Variants in ZNF679 observed in about 807,000 individuals in gnomAD.
ZNF679 encodes zinc finger protein 679.
A neutral mutation model predicts 13.4 loss-of-function variants in ZNF679; 10 were observed. That is an observed-to-expected ratio of 0.75 (90% CI 0.46 to 1.27). ZNF679 has a LOEUF of 1.27. Ranked by LOEUF, ZNF679 falls within the 50% of genes most tolerant of loss-of-function variation. ZNF679 has a pLI of 0.00. For synonymous variants in ZNF679, 179 were observed against 162.5 expected, an observed-to-expected ratio of 1.10 and a Z score of -0.77; for missense variants, 525 against 477.8, an observed-to-expected ratio of 1.10 and a Z score of -0.92.
chr7:64,265,603 T>A (rs1788133064), intron 4 of ZNF679, among the ~76,000 whole-genome samples: 1 of 152,214 alleles, frequency 6.6e-6, no homozygotes, highest in Admixed American at 6.5e-5. Context: ...GTTCTTCTAT[T>A]GGGGATGAAG....
chr7:64,247,118 T>G (rs993340306), intron 1 of ZNF679, among the ~76,000 whole-genome samples: 1 of 152,236 alleles, frequency 6.6e-6, no homozygotes, highest in African/African-American at 2.4e-5. Context: ...TAGCGTGTAA[T>G]GATTCCTGAG....
intron 4 of ZNF679, among the ~76,000 whole-genome samples, chr7:64,265,669 G>C (rs989437005): frequency 4.6e-5 from 7 of 152,002 alleles, no homozygotes; most frequent in Admixed American, 1.3e-4. Flanking sequence ...TATGGCTCTT[G>C]GTATTGTGCC....
intron 2 of ZNF679, among the ~76,000 whole-genome samples, chr7:64,259,965 TAGAC>T (rs1417934827): frequency 6.6e-6 from 1 of 151,292 alleles, no homozygotes; most frequent in Non-Finnish European, 1.5e-5. Flanking sequence ...AAGAAAAAAA[TAGAC>T]ATGTGCATAT....
intron 2 of ZNF679, among the ~76,000 whole-genome samples, chr7:64,258,471 A>G (rs66691729): frequency 0.34 from 51,321 of 151,572 alleles, 10,337 homozygotes; most frequent in East Asian, 0.82. Flanking sequence ...GGGAGGCTGA[A>G]GCAGGTGGAT....
intron 1 of ZNF679, among the ~76,000 whole-genome samples, chr7:64,238,482 G>A (rs1245556106): frequency 6.6e-6 from 1 of 152,080 alleles, no homozygotes; most frequent in Non-Finnish European, 1.5e-5. Context: ...GTGCCTCCAG[G>A]GTTCAAGCGA....
At chr7:64,253,163 T>C (rs1787964141) in intron 2 of ZNF679, among the ~76,000 whole-genome samples, 1 of 152,236 alleles carries the variant, frequency 6.6e-6, no homozygotes, top group Non-Finnish European at 1.5e-5. Flanking sequence ...AGATAGATAC[T>C]TTTGCTTTTC....
chr7:64,233,647 C>T (rs1345783718), intron 1 of ZNF679, among the ~76,000 whole-genome samples: 2 of 152,168 alleles, frequency 1.3e-5, no homozygotes, highest in Non-Finnish European at 2.9e-5. Flanking sequence ...TAGGTACTTC[C>T]ATTCATTCCA....
At chr7:64,236,735 T>A (rs1427506383) in intron 1 of ZNF679, among the ~76,000 whole-genome samples, 1 of 147,390 alleles carries the variant, frequency 6.8e-6, no homozygotes, top group Admixed American at 6.9e-5. Flanking sequence ...TGAGCCAAGA[T>A]CCTGTCATTG....
intron 2 of ZNF679, among the ~76,000 whole-genome samples, chr7:64,252,642 T>C (rs1000296975): frequency 2.0e-5 from 3 of 152,208 alleles, no homozygotes; most frequent in Admixed American, 6.5e-5. Context: ...ATTACATAGA[T>C]TCATCAAAAC....
intron 1 of ZNF679, among the ~76,000 whole-genome samples, chr7:64,246,685 T>C (rs898562370): frequency 6.6e-6 from 1 of 151,292 alleles, no homozygotes. Context: ...ATGGTGCCAC[T>C]GCACTCCAGC....
chr7:64,246,682 C>T (rs1562843292), intron 1 of ZNF679, among the ~76,000 whole-genome samples: 1 of 151,668 alleles, frequency 6.6e-6, no homozygotes, highest in Non-Finnish European at 1.5e-5. Flanking sequence ...GAGATGGTGC[C>T]ACTGCACTCC....
intron 1 of ZNF679, among the ~76,000 whole-genome samples, chr7:64,248,672 G>T (rs1446706274): frequency 6.6e-6 from 1 of 152,108 alleles, no homozygotes; most frequent in Non-Finnish European, 1.5e-5. Flanking sequence ...CATAAAATCT[G>T]AAATTTTAAA....
In ZNF679 at chr7:64,234,296, G is replaced by A. The variant is rs151051820; in HGVS notation, c.-91+5644G>A. On this transcript the variant is annotated intron_variant, in intron 1 of 4. Coordinates refer to ENST00000421025, the MANE Select transcript of ZNF679 (RefSeq NM_153363.3). The stretch of plus-strand genomic sequence containing the variant: ...TAACAAATGTGTGCACTCAAACAGT[G>A]CAAAGGCAAACCTCCTGGTGGGTAA... Among the ~76,000 whole-genome samples the A allele has an allele frequency of 2.4e-4, 36 of 152,334 alleles. 1 individual carries two copies. The East Asian group carries it at 6.2e-3, about 26-fold the overall frequency.
At chr7:64,254,339 A>G (rs1787976524) in intron 2 of ZNF679, among the ~76,000 whole-genome samples, 1 of 151,046 alleles carries the variant, frequency 6.6e-6, no homozygotes, top group South Asian at 2.1e-4. Flanking sequence ...TTGGTCTCAA[A>G]CTCCTGACCT....
chr7:64,247,832 T>C (rs1232456995), intron 1 of ZNF679, among the ~76,000 whole-genome samples: 1 of 151,770 alleles, frequency 6.6e-6, no homozygotes, highest in Non-Finnish European at 1.5e-5. Flanking sequence ...ATTACAACCG[T>C]GAGCCTCTGC....
chr7:64,240,832 A>G (rs1326108845), intron 1 of ZNF679, among the ~76,000 whole-genome samples: 2 of 152,316 alleles, frequency 1.3e-5, no homozygotes, highest in East Asian at 1.9e-4. Context: ...ATTGAGTTCA[A>G]CTATGCAAGT....
At chr7:64,232,165 CAG>C (rs1787648323) in intron 1 of ZNF679, among the ~76,000 whole-genome samples, 1 of 152,208 alleles carries the variant, frequency 6.6e-6, no homozygotes, top group Non-Finnish European at 1.5e-5. Context: ...TCCTGGGCGA[CAG>C]AGTGAATCTC....
intron 1 of ZNF679, among the ~76,000 whole-genome samples, chr7:64,246,002 G>A (rs547652056): frequency 1.5e-3 from 221 of 152,198 alleles, no homozygotes; most frequent in South Asian, 0.011. Flanking sequence ...GCGAGACTCC[G>A]TCTCAAAACA....
At chr7:64,260,194 T>A (rs759521284) in intron 2 of ZNF679, 27 bp from the exon 3 acceptor site, 2 of 1,582,436 alleles carry the variant, frequency 1.3e-6, no homozygotes, top group Non-Finnish European at 1.7e-6. Context: ...TCATGAGTGT[T>A]TTTTTGTTGT....
Sources: allele counts gnomAD v4.1 joint callset (sites outside exome capture counted in the v4.1 genomes callset), GRCh38; gene constraint gnomAD v4.1.1; transcripts MANE v1.5; gene names NCBI Gene and HGNC (gene_info 2026-07-23, HGNC 2026-07-21).